Variants in TMC1 observed in about 807,000 individuals in gnomAD.
The protein encoded by TMC1 is transmembrane channel like 1, also known as transmembrane channel-like protein 1.
TMC1 carries 84 observed loss-of-function variants against 105.8 expected under a neutral mutation model. The observed-to-expected ratio is 0.79, with a 90% CI of 0.67 to 0.95. The LOEUF (loss-of-function observed/expected upper bound fraction) is 0.95, where lower values mean the gene tolerates loss of function less well. Ranked by LOEUF, TMC1 falls within the 40% of genes least tolerant of loss-of-function variation. TMC1 has a pLI of 0.00. For synonymous variants in TMC1, 315 were observed against 311.5 expected (o/e 1.01, Z -0.12); for missense variants, 817 against 914.1 (o/e 0.89, Z 1.37).
chr9:72,647,854 G>A (rs17058062), intron 4 of TMC1, among the ~76,000 whole-genome samples: 15,211 of 151,470 alleles, frequency 0.1, 946 homozygotes, highest in African/African-American at 0.16. Context: ...GAATGCCAGC[G>A]TCCGTACTCT....
At chr9:72,659,859 C>G (rs1825948039) in intron 5 of TMC1, among the ~76,000 whole-genome samples, 1 of 152,166 alleles carries the variant, frequency 6.6e-6, no homozygotes, top group African/African-American at 2.4e-5. Context: ...CTTTTGTGCA[C>G]TCTGTTCTGC....
chr9:72,524,799 C>T (rs1478946411), intron 1 of TMC1, among the ~76,000 whole-genome samples: 1 of 152,174 alleles, frequency 6.6e-6, no homozygotes, highest in Non-Finnish European at 1.5e-5. Context: ...AAGGGACCAA[C>T]CTCTTGATTT....
At chr9:72,610,656 T>C (rs1014233933) in intron 2 of TMC1, among the ~76,000 whole-genome samples, 1 of 152,212 alleles carries the variant, frequency 6.6e-6, no homozygotes, top group African/African-American at 2.4e-5. Context: ...GATGTTAATC[T>C]CATCCAGAAA....
intron 5 of TMC1, chr9:72,656,202 G>C (rs960698858): frequency 3.8e-6 from 2 of 529,628 alleles, no homozygotes; most frequent in African/African-American, 3.8e-5. Flanking sequence ...TCACTGCTGC[G>C]CGGCTTCCTG....
At chr9:72,744,834 A>T (rs1393747889) in intron 10 of TMC1, among the ~76,000 whole-genome samples, 2 of 152,244 alleles carry the variant, frequency 1.3e-5, no homozygotes, top group Non-Finnish European at 2.9e-5. Context: ...AGTGAAACAA[A>T]AACAGACAGA....
intron 17 of TMC1, among the ~76,000 whole-genome samples, chr9:72,802,865 G>C (rs768943767): frequency 2.6e-5 from 4 of 151,878 alleles, no homozygotes; most frequent in Non-Finnish European, 5.9e-5. Flanking sequence ...ATTCTTCACA[G>C]AATTAGAAAA....
At chr9:72,704,839 A>G (rs1826707635) in intron 8 of TMC1, among the ~76,000 whole-genome samples, 1 of 152,200 alleles carries the variant, frequency 6.6e-6, no homozygotes, top group African/African-American at 2.4e-5. Flanking sequence ...TTACTGATAT[A>G]TAGTCAGAAT....
intron 3 of TMC1, among the ~76,000 whole-genome samples, chr9:72,623,168 T>TC (rs1158354612): frequency 6.8e-6 from 1 of 147,322 alleles, no homozygotes; most frequent in Non-Finnish European, 1.5e-5. Context: ...TTTTCTTTTT[T>TC]TTTTTTTTGT....
intron 4 of TMC1, among the ~76,000 whole-genome samples, chr9:72,629,097 A>T (rs747081866): frequency 3.9e-5 from 6 of 152,196 alleles, no homozygotes; most frequent in Non-Finnish European, 7.4e-5. Context: ...CTATATTCAA[A>T]ATAATCCTAT....
At chr9:72,754,911 G>A (rs1324386475) in intron 12 of TMC1, 27 bp downstream of exon 12, 3 of 1,545,326 alleles carry the variant, frequency 1.9e-6, no homozygotes, top group Non-Finnish European at 1.8e-6. Context: ...AAGTGTATTG[G>A]TGGGAGGATG....
chr9:72,734,404 G>T (rs1484262381), intron 8 of TMC1, among the ~76,000 whole-genome samples: 1 of 152,166 alleles, frequency 6.6e-6, no homozygotes, highest in Non-Finnish European at 1.5e-5. Flanking sequence ...TTTTACAGAT[G>T]AAGCAACTGG....
At chr9:72,738,609 G>C (rs971719187) in intron 8 of TMC1, among the ~76,000 whole-genome samples, 1 of 151,864 alleles carries the variant, frequency 6.6e-6, no homozygotes, top group African/African-American at 2.4e-5. Context: ...GTAGAGGCAG[G>C]GTTTCACCAT....
chr9:72,784,896 A>T (rs193239314), intron 13 of TMC1, among the ~76,000 whole-genome samples: 28 of 152,338 alleles, frequency 1.8e-4, no homozygotes. Flanking sequence ...CATTGAGTAC[A>T]CATGGATGCA....
rs114340226 is a variant in TMC1 at position 72,756,035 on chromosome 9, G to T, written c.741+1151G>T. On this transcript the variant is annotated intron_variant, in intron 12 of 23. Coordinates refer to ENST00000297784, the MANE Select transcript of TMC1 (RefSeq NM_138691.3). ...GTTTATGTGAGGAGTACCAGAACAT[G>T]CAAACCTTAAGAAAAGTTTCCCATC... 9.8e-4 allele frequency among the ~76,000 whole-genome samples: 149 copies of T among 152,234 alleles called. 1 individual carries two copies. Among genetic ancestry groups the T allele is most frequent in the African/African-American group, 3.3e-3 (139 of 41,532 alleles).
At chr9:72,581,198 T>G (rs912191284) in intron 2 of TMC1, among the ~76,000 whole-genome samples, 1 of 152,218 alleles carries the variant, frequency 6.6e-6, no homozygotes, top group African/African-American at 2.4e-5. Flanking sequence ...CTTTCTTGGA[T>G]GGATAATGCA....
At chr9:72,738,385 A>G (rs1326713286) in intron 8 of TMC1, among the ~76,000 whole-genome samples, 3 of 151,976 alleles carry the variant, frequency 2.0e-5, no homozygotes, top group Non-Finnish European at 4.4e-5. Flanking sequence ...ATACTAAGGA[A>G]CATCTTACAG....
rs865980804 is a variant in TMC1, at chr9:72,819,619, T to C, written c.1764-1223T>C. 1.7e-4 allele frequency among the ~76,000 whole-genome samples: 26 copies of C among 152,236 alleles called. 2 individuals are homozygous for C. Among genetic ancestry groups the C allele is most frequent in the Admixed American group, 7.9e-4 (12 of 15,284 alleles). ...AACAAGACAGCCCAAATTGTGACAA[T>C]ATTCCACTTTTCAAATAAATGAGTT... is the stretch of plus-strand genomic sequence containing the variant. On this transcript the variant is annotated intron_variant, in intron 19 of 23. Transcript: ENST00000297784.
At chr9:72,762,037 A>G (rs1245433811) in intron 12 of TMC1, among the ~76,000 whole-genome samples, 1 of 152,190 alleles carries the variant, frequency 6.6e-6, no homozygotes, top group African/African-American at 2.4e-5. Flanking sequence ...TAAAGGAGAG[A>G]GTGAACAAGA....
rs150439852 is a variant in TMC1, at chr9:72,687,842, A to T, written c.17-867A>T. 1.3e-3 allele frequency among the ~76,000 whole-genome samples: 201 copies of T among 152,304 alleles called. 1 individual carries two copies. Among genetic ancestry groups the T allele is most frequent in the Admixed American group, 1.6e-3 (25 of 15,292 alleles). On this transcript the variant is annotated intron_variant, in intron 5 of 23. Transcript: ENST00000297784. ...TCCACCTTAAATAAAAATATGATAA[A>T]ATTCATGTTTTATAAGCAAGTTAAT...
Sources: allele counts gnomAD v4.1 joint callset (sites outside exome capture counted in the v4.1 genomes callset), GRCh38; gene constraint gnomAD v4.1.1; transcripts MANE v1.5; gene names NCBI Gene and HGNC (gene_info 2026-07-23, HGNC 2026-07-21).